LHPP: variants seen among roughly 807,000 people sequenced by gnomAD.
The protein encoded by LHPP is phospholysine phosphohistidine inorganic pyrophosphate phosphatase, also known as hLHPP.
LHPP carries 24 observed loss-of-function variants against 30.3 expected under a neutral mutation model. The observed-to-expected ratio is 0.79, with a 90% CI of 0.57 to 1.11. The LOEUF is 1.11. LHPP is among the 50% of genes most tolerant of loss of function. The pLI, the probability that LHPP is intolerant of heterozygous loss-of-function variation, is 0.00. For missense variants in LHPP, 356 were observed against 367.2 expected, an observed-to-expected ratio of 0.97 and a Z score of 0.25; for synonymous variants, 150 against 157.1, an observed-to-expected ratio of 0.95 and a Z score of 0.34.
chr10:124,577,703 CATGCACATGCATATGTGTGCACACAT>C (rs1414003022), intron 6 of LHPP, among the ~76,000 whole-genome samples: 12 of 152,218 alleles, frequency 7.9e-5, no homozygotes, highest in Middle Eastern at 3.4e-3. Flanking sequence ...AATACACATG[CATGCACATGCATATGTGTGCACACAT>C]ATGCACATAC....
intron 1 of LHPP, among the ~76,000 whole-genome samples, chr10:124,467,423 T>C (rs2133810554): frequency 1.3e-5 from 2 of 151,690 alleles, no homozygotes; most frequent in Middle Eastern, 6.8e-3. Flanking sequence ...GCGGGAACCA[T>C]GATGGCTCAT....
Position 124,613,414 on chromosome 10 carries a change from C to T in LHPP, c.*54C>T, listed in dbSNP as rs1256995580. The stretch of plus-strand genomic sequence containing the variant: ...CACCCCTGCCTCTCCTCCACCCCTG[C>T]CTCCCCTCCACCCCTGCCTCTCCTC... On this transcript the variant is annotated 3_prime_UTR_variant, in exon 7 of 7. Coordinates refer to ENST00000368842, the MANE Select transcript of LHPP (RefSeq NM_022126.4). 1.8e-5 allele frequency: 23 copies of T among 1,251,670 alleles called. No individual in the cohort carries two copies. The African/African-American group carries it at 3.2e-4, about 17-fold the overall frequency. 77.5% of individuals were successfully genotyped at this position (1,251,670 alleles called of 1,614,324 possible).
intron 6 of LHPP, among the ~76,000 whole-genome samples, chr10:124,606,491 G>A (rs1949094403): frequency 1.5e-5 from 1 of 68,038 alleles, no homozygotes; most frequent in Non-Finnish European, 3.3e-5. Flanking sequence ...GGAGGTGGGA[G>A]GGGGCAGGGC....
intron 1 of LHPP, among the ~76,000 whole-genome samples, chr10:124,467,519 C>CTT (rs112628606): frequency 3.1e-4 from 43 of 136,638 alleles, no homozygotes; most frequent in Non-Finnish European, 5.4e-4. Flanking sequence ...TTTTCTTTTT[C>CTT]TTTTTTTTTT....
At chr10:124,608,986 G>T (rs1949130545) in intron 6 of LHPP, among the ~76,000 whole-genome samples, 1 of 152,200 alleles carries the variant, frequency 6.6e-6, no homozygotes, top group South Asian at 2.1e-4. Flanking sequence ...CGGTGCACTT[G>T]AGTGGAAGCA....
At chr10:124,500,427 G>A (rs1953864761) in intron 5 of LHPP, among the ~76,000 whole-genome samples, 1 of 151,960 alleles carries the variant, frequency 6.6e-6, no homozygotes, top group Admixed American at 6.5e-5. Flanking sequence ...AGCCGAAATT[G>A]TGCCACTGCA....
At chr10:124,475,028 G>GTGTTTTTTTTTTTT (rs536621289) in intron 1 of LHPP, among the ~76,000 whole-genome samples, 1 of 9,656 alleles carries the variant, frequency 1.0e-4, no homozygotes, top group Non-Finnish European at 1.7e-4. Context: ...TGCTTCTCAT[G>GTGTTTTTTTTTTTT]TCTTTTTTTT....
At chr10:124,539,559 G>A (rs368145450) in intron 6 of LHPP, among the ~76,000 whole-genome samples, 532 of 152,150 alleles carry the variant, frequency 3.5e-3, no homozygotes, top group African/African-American at 0.011. Context: ...CCAGAAGCTC[G>A]AGACCGCCTC....
intron 1 of LHPP, among the ~76,000 whole-genome samples, chr10:124,477,074 G>A (rs534631115): frequency 7.2e-5 from 11 of 152,300 alleles, no homozygotes; most frequent in Non-Finnish European, 1.3e-4. Flanking sequence ...ATGGTGGCAC[G>A]CGCCTGTAGT....
chr10:124,610,783 AGCGGGTGAGGGT>A (rs1342001570), intron 6 of LHPP, among the ~76,000 whole-genome samples: 1 of 80,564 alleles, frequency 1.2e-5, no homozygotes, highest in African/African-American at 5.2e-5. Flanking sequence ...GTGCTGATGG[AGCGGGTGAGGGT>A]GCGGGTGAGG....
At chr10:124,519,901 CG>C (rs1370672381) in intron 6 of LHPP, among the ~76,000 whole-genome samples, 2 of 152,072 alleles carry the variant, frequency 1.3e-5, no homozygotes, top group East Asian at 3.9e-4. Context: ...GGCGCAGTCT[CG>C]GCTCACTGCA....
At chr10:124,597,329 C>T (rs535434221) in intron 6 of LHPP, among the ~76,000 whole-genome samples, 57 of 152,334 alleles carry the variant, frequency 3.7e-4, no homozygotes, top group South Asian at 1.9e-3. Flanking sequence ...CCCTGCCTAA[C>T]ACAGTGGCAT....
intron 6 of LHPP, among the ~76,000 whole-genome samples, chr10:124,570,069 G>A (rs930332178): frequency 2.0e-5 from 3 of 152,180 alleles, no homozygotes; most frequent in African/African-American, 7.2e-5. Context: ...GGGAAAAACT[G>A]TGACTATTAA....
chr10:124,522,281 T>C (rs56681095), intron 6 of LHPP, among the ~76,000 whole-genome samples: 25,466 of 152,190 alleles, frequency 0.17, 3,058 homozygotes, highest in South Asian at 0.32. Flanking sequence ...GGGTGTTCCC[T>C]GCCTGCCCTG....
At chr10:124,566,235 G>A (rs539646648) in intron 6 of LHPP, among the ~76,000 whole-genome samples, 3 of 152,212 alleles carry the variant, frequency 2.0e-5, no homozygotes, top group South Asian at 2.1e-4. Context: ...GATTCTTGGC[G>A]CCTTCCTGAT....
At chr10:124,500,740 T>A (rs576597260) in intron 5 of LHPP, among the ~76,000 whole-genome samples, 5 of 149,404 alleles carry the variant, frequency 3.3e-5, no homozygotes, top group East Asian at 2.0e-4. Flanking sequence ...AAAAAAAAAA[T>A]AGAAAATAAC....
At chr10:124,491,496 G>A (rs1414798185) in intron 3 of LHPP, among the ~76,000 whole-genome samples, 1 of 152,216 alleles carries the variant, frequency 6.6e-6, no homozygotes, top group Non-Finnish European at 1.5e-5. Flanking sequence ...TGAAGCCACA[G>A]GAGATGAAAT....
At chr10:124,574,380 G>A (rs1369306684) in intron 6 of LHPP, among the ~76,000 whole-genome samples, 2 of 152,200 alleles carry the variant, frequency 1.3e-5, no homozygotes, top group African/African-American at 4.8e-5. Flanking sequence ...GCCCCAAGAG[G>A]GGCCCTCGGC....
At chr10:124,502,667 CTTTTTTTT>C (rs1190430106) in intron 5 of LHPP, among the ~76,000 whole-genome samples, 4 of 71,348 alleles carry the variant, frequency 5.6e-5, no homozygotes, top group Admixed American at 2.1e-4. Flanking sequence ...CACGCCCAGC[CTTTTTTTT>C]TTTTTTTTTT....
Sources: gnomAD v4.1 joint callset for allele counts (sites outside exome capture counted in the v4.1 genomes callset) on GRCh38, gnomAD v4.1.1 for gene constraint, MANE v1.5 for transcripts, NCBI Gene and HGNC (gene_info 2026-07-23, HGNC 2026-07-21) for gene names.